The following NPAS3 variants were observed in gnomAD, a reference collection of about 807,000 sequenced individuals.
NPAS3 encodes neuronal PAS domain-containing protein 3.
NPAS3 carries 14 observed loss-of-function variants against 73.1 expected under a neutral mutation model. The ratio of observed to expected loss-of-function variants is 0.19; its 90% confidence interval spans 0.13 to 0.30. The LOEUF (loss-of-function observed/expected upper bound fraction) is 0.30. NPAS3 is among the 10% of genes least tolerant of loss of function. The pLI is 1.00. For synonymous variants in NPAS3, 620 were observed against 541.5 expected, an observed-to-expected ratio of 1.14 and a Z score of -2.01; for missense variants, 1,096 against 1,250.0, an observed-to-expected ratio of 0.88 and a Z score of 1.86.
At chr14:33,092,545 A>G (rs1349761430) in intron 2 of NPAS3, among the ~76,000 whole-genome samples, 3 of 152,226 alleles carry the variant, frequency 2.0e-5, no homozygotes, top group African/African-American at 7.2e-5. Flanking sequence ...CATACTGTCC[A>G]AGGTAATTTA....
In NPAS3 at chr14:33,580,284, G is replaced by A. The variant is rs557324126; in HGVS notation, c.558+20074G>A. On this transcript the variant is annotated intron_variant, in intron 5 of 11. Transcript: ENST00000356141. ...CAACCAACGTCTTCTTTATTAACTG[G>A]GCAAAAGAAGCTGCCAAAGGTGTGA... Among the ~76,000 whole-genome samples the A allele has an allele frequency of 7.9e-5, 12 of 152,148 alleles. No individual in the cohort carries two copies. The South Asian group carries it at 2.1e-3, about 26-fold the overall frequency.
chr14:32,970,086 A>G (rs568661395), intron 1 of NPAS3, among the ~76,000 whole-genome samples: 3 of 152,230 alleles, frequency 2.0e-5, no homozygotes, highest in Non-Finnish European at 4.4e-5. Context: ...TCTGGATATT[A>G]AGGAAAATGA....
intron 2 of NPAS3, among the ~76,000 whole-genome samples, chr14:33,057,027 C>A (rs529938915): frequency 6.6e-6 from 1 of 151,990 alleles, no homozygotes; most frequent in East Asian, 1.9e-4. Flanking sequence ...TCATTTACTC[C>A]TCCAACTGGT....
intron 3 of NPAS3, among the ~76,000 whole-genome samples, chr14:33,353,188 T>G (rs1887497): frequency 0.27 from 41,165 of 151,582 alleles, 5,943 homozygotes; most frequent in Admixed American, 0.37. Context: ...GGAAACAAGG[T>G]CTTTTTGTCT....
At chr14:33,658,130 C>CTGTT (rs1423846141) in intron 5 of NPAS3, among the ~76,000 whole-genome samples, 2 of 152,230 alleles carry the variant, frequency 1.3e-5, no homozygotes, top group African/African-American at 4.8e-5. Flanking sequence ...TTGAGGGGAA[C>CTGTT]TGTTTATGTG....
chr14:33,513,862 A>AT (rs1341204001), intron 4 of NPAS3, among the ~76,000 whole-genome samples: 1 of 151,960 alleles, frequency 6.6e-6, no homozygotes, highest in Non-Finnish European at 1.5e-5. Context: ...CGATGAATGT[A>AT]TTTTTTCCCC....
At chr14:33,279,676 A>G (rs1471887557) in intron 3 of NPAS3, among the ~76,000 whole-genome samples, 1 of 152,110 alleles carries the variant, frequency 6.6e-6, no homozygotes, top group Non-Finnish European at 1.5e-5. Flanking sequence ...AGGGGTAGAG[A>G]GCTTTTTAGC....
At chr14:33,434,611 TTCTG>T (rs1183250241) in intron 4 of NPAS3, among the ~76,000 whole-genome samples, 3 of 152,160 alleles carry the variant, frequency 2.0e-5, no homozygotes, top group Admixed American at 6.5e-5. Context: ...TCCTCATTTG[TTCTG>T]TCTTTGTTAT....
chr14:33,634,320 A>T (rs1157508640), intron 5 of NPAS3, among the ~76,000 whole-genome samples: 1 of 152,164 alleles, frequency 6.6e-6, no homozygotes, highest in Non-Finnish European at 1.5e-5. Flanking sequence ...AAAGGAACAG[A>T]TTTGCTGTGG....
chr14:33,333,280 A>G (rs2044068983), intron 3 of NPAS3, among the ~76,000 whole-genome samples: 1 of 152,200 alleles, frequency 6.6e-6, no homozygotes, highest in Admixed American at 6.5e-5. Context: ...TGTGTCTACT[A>G]TATGCTTTGA....
At chr14:33,487,655 A>G (rs1449244720) in intron 4 of NPAS3, among the ~76,000 whole-genome samples, 1 of 152,208 alleles carries the variant, frequency 6.6e-6, no homozygotes, top group Non-Finnish European at 1.5e-5. Context: ...ATTTAGAAAA[A>G]CAGCTTACCC....
chr14:33,261,264 A>AT (rs1225408657), intron 3 of NPAS3, among the ~76,000 whole-genome samples: 2 of 150,962 alleles, frequency 1.3e-5, no homozygotes, highest in South Asian at 2.1e-4. Context: ...CAAATGGAAT[A>AT]TTTTTTAAAG....
At chr14:33,544,788 T>TTTTATATATATATATATATATATATA (rs1555409893) in intron 4 of NPAS3, among the ~76,000 whole-genome samples, 4 of 63,262 alleles carry the variant, frequency 6.3e-5, no homozygotes, top group African/African-American at 2.6e-4. Context: ...TGTGTGTGTA[T>TTTTATATATATATATATATATATATA]TATATATATA....
intron 3 of NPAS3, among the ~76,000 whole-genome samples, chr14:33,318,142 C>A (rs2043284516): frequency 6.6e-6 from 1 of 151,994 alleles, no homozygotes; most frequent in African/African-American, 2.4e-5. Context: ...TATATACGTA[C>A]AAGGGAATAT....
intron 2 of NPAS3, among the ~76,000 whole-genome samples, chr14:33,208,573 T>C (rs536763623): frequency 6.6e-6 from 1 of 152,214 alleles, no homozygotes; most frequent in Non-Finnish European, 1.5e-5. Flanking sequence ...ATCTTGATGT[T>C]GATACTTTAT....
intron 2 of NPAS3, among the ~76,000 whole-genome samples, chr14:33,058,020 A>G (rs766004576): frequency 1.5e-4 from 23 of 152,148 alleles, no homozygotes; most frequent in Non-Finnish European, 1.3e-4. Flanking sequence ...TGTTTATTAG[A>G]AAGCTGGTGT....
At chr14:33,499,007 A>G (rs2052381790) in intron 4 of NPAS3, among the ~76,000 whole-genome samples, 1 of 143,014 alleles carries the variant, frequency 7.0e-6, no homozygotes, top group Non-Finnish European at 1.5e-5. Flanking sequence ...AGGGGGGTGT[A>G]TAGACCTATA....
At chr14:33,168,139 C>T (rs1595593935) in intron 2 of NPAS3, among the ~76,000 whole-genome samples, 2 of 152,156 alleles carry the variant, frequency 1.3e-5, no homozygotes, top group Non-Finnish European at 2.9e-5. Flanking sequence ...AGATTGCATA[C>T]GGAAACTCAG....
At chr14:33,051,296 A>AAAAAAAAAAAAAAGAG (rs771840433) in intron 1 of NPAS3, among the ~76,000 whole-genome samples, 5 of 142,564 alleles carry the variant, frequency 3.5e-5, no homozygotes, top group African/African-American at 1.4e-4. Context: ...AAAAAAAAAA[A>AAAAAAAAAAAAAAGAG]AGAGAGACTA....
Sources: allele counts gnomAD v4.1 joint callset (sites outside exome capture counted in the v4.1 genomes callset), GRCh38; gene constraint gnomAD v4.1.1; transcripts MANE v1.5; gene names NCBI Gene and HGNC (gene_info 2026-07-23, HGNC 2026-07-21).